The following EPHB1 variants were observed in gnomAD, a reference collection of about 807,000 sequenced individuals.
The protein encoded by EPHB1 is ephrin type-B receptor 1.
In EPHB1, 30 loss-of-function variants were observed where a neutral mutation model predicts 94.4. The ratio of observed to expected loss-of-function variants is 0.32; its 90% confidence interval spans 0.24 to 0.43. EPHB1 has a LOEUF of 0.43. Among genes scored for constraint, EPHB1 ranks in the 20% least tolerant of loss-of-function variants. EPHB1 has a pLI of 1.00. For synonymous variants in EPHB1, 522 were observed against 489.1 expected (o/e 1.07, Z -0.89); for missense variants, 1,055 against 1,308.3 (o/e 0.81, Z 2.99).
intron 15 of EPHB1, among the ~76,000 whole-genome samples, chr3:135,256,149 T>G (rs1483593792): frequency 6.6e-6 from 1 of 152,200 alleles, no homozygotes; most frequent in Non-Finnish European, 1.5e-5. Flanking sequence ...TACAGCACAC[T>G]GATGGGTCTT....
chr3:135,039,130 T>G (rs1292612228), intron 3 of EPHB1, among the ~76,000 whole-genome samples: 1 of 152,110 alleles, frequency 6.6e-6, no homozygotes, highest in Non-Finnish European at 1.5e-5. Flanking sequence ...TGCTGATTGG[T>G]GTGTTTACAA....
chr3:135,034,000 G>A (rs553406135), intron 3 of EPHB1, among the ~76,000 whole-genome samples: 4 of 151,964 alleles, frequency 2.6e-5, no homozygotes, highest in African/African-American at 7.2e-5. Flanking sequence ...TCAAACCTCC[G>A]TCAATATTTA....
At chr3:135,077,960 G>T (rs902015686) in intron 3 of EPHB1, among the ~76,000 whole-genome samples, 3 of 152,214 alleles carry the variant, frequency 2.0e-5, no homozygotes, top group Admixed American at 6.5e-5. Context: ...TCTATAGAAA[G>T]CATGTGATAG....
At chr3:134,973,269 C>T (rs1934049525) in intron 3 of EPHB1, among the ~76,000 whole-genome samples, 1 of 152,038 alleles carries the variant, frequency 6.6e-6, no homozygotes, top group African/African-American at 2.4e-5. Context: ...GGGATGGGGA[C>T]AGTGAGAACC....
chr3:135,147,285 C>G (rs1941040595), intron 5 of EPHB1, among the ~76,000 whole-genome samples: 1 of 152,138 alleles, frequency 6.6e-6, no homozygotes, highest in East Asian at 1.9e-4. Flanking sequence ...AAACGCTGTT[C>G]TAGAGAGAAT....
chr3:134,980,383 G>C lies in EPHB1; in HGVS notation c.805+28331G>C, dbSNP rs569236621. ...TGACTCAGTCTCAGAAATCACATAT[G>C]ATCACTTCTGCCATACCCGATTGGT... is the stretch of plus-strand genomic sequence containing the variant. On this transcript the variant is annotated intron_variant, in intron 3 of 15. Transcript: ENST00000398015. Among the ~76,000 whole-genome samples the C allele has an allele frequency of 3.9e-5, 6 of 152,278 alleles. No homozygotes were observed. The South Asian group carries it at 1.2e-3, about 32-fold the overall frequency.
Position 134,897,346 on chromosome 3 carries a change from G to A in EPHB1, c.59-28470G>A, listed in dbSNP as rs114742095. ...ATTCTTGGGTCAGGGGTGAGGGAGG[G>A]TGGGGAAAGGAGCAACTGCTGGTGG... On this transcript the variant is annotated intron_variant, in intron 1 of 15. Transcript: ENST00000398015. Among the ~76,000 whole-genome samples, 1,074 of 152,158 alleles carry A rather than the reference G, an allele frequency of 7.1e-3. 8 individuals are homozygous for A. The highest frequency in any genetic ancestry group is 0.029 in the South Asian group (139 of 4,814).
At chr3:134,968,605 G>T (rs1297470138) in intron 3 of EPHB1, among the ~76,000 whole-genome samples, 2 of 152,060 alleles carry the variant, frequency 1.3e-5, no homozygotes, top group Non-Finnish European at 2.9e-5. Context: ...CAGAAAATTT[G>T]ACTTCTTAAC....
At chr3:135,045,934 A>C (rs1936984985) in intron 3 of EPHB1, among the ~76,000 whole-genome samples, 1 of 152,212 alleles carries the variant, frequency 6.6e-6, no homozygotes, top group African/African-American at 2.4e-5. Flanking sequence ...CAATTATCTG[A>C]AAGAGCTATT....
chr3:134,966,103 G>T (rs558078712), intron 3 of EPHB1, among the ~76,000 whole-genome samples: 1 of 152,214 alleles, frequency 6.6e-6, no homozygotes, highest in Non-Finnish European at 1.5e-5. Context: ...GAGGCCATCT[G>T]CTCGCTCCTT....
At chr3:134,881,260 G>T (rs2037724556) in intron 1 of EPHB1, among the ~76,000 whole-genome samples, 1 of 152,152 alleles carries the variant, frequency 6.6e-6, no homozygotes, top group African/African-American at 2.4e-5. Flanking sequence ...GTAGGTGTGT[G>T]TTTCATGTGT....
At chr3:134,989,034 G>A (rs2107737043) in intron 3 of EPHB1, among the ~76,000 whole-genome samples, 1 of 152,280 alleles carries the variant, frequency 6.6e-6, no homozygotes, top group East Asian at 1.9e-4. Flanking sequence ...TGTCTATCAT[G>A]CTCTATTTTT....
At chr3:135,176,628 C>T (rs1197953277) in intron 9 of EPHB1, among the ~76,000 whole-genome samples, 4 of 152,126 alleles carry the variant, frequency 2.6e-5, no homozygotes, top group South Asian at 2.1e-4. Context: ...GACTTTGTTC[C>T]GTTTATGTGC....
rs1272876060 is a variant in EPHB1, at chr3:135,167,007, G to A, written c.1759+1G>A. ...CTCCAGCATTACAGCACAGGCCGAG[G>A]TAAGTAGAAAGCAGAGACCCGGTGT... On this transcript the variant is annotated splice_donor_variant, in intron 9 of 15. Transcript: ENST00000398015. LOFTEE classifies it high-confidence loss of function. 6.2e-7 allele frequency: 1 copy of A among 1,614,082 alleles called. No homozygotes were observed.
chr3:134,835,422 A>G (rs1463924900), intron 1 of EPHB1, among the ~76,000 whole-genome samples: 1 of 152,218 alleles, frequency 6.6e-6, no homozygotes, highest in Non-Finnish European at 1.5e-5. Flanking sequence ...ACACAGGCAT[A>G]TGCACATGTG....
At chr3:135,095,565 C>G (rs1938726616) in intron 3 of EPHB1, among the ~76,000 whole-genome samples, 1 of 152,144 alleles carries the variant, frequency 6.6e-6, no homozygotes, top group Non-Finnish European at 1.5e-5. Context: ...AATTTCAAGC[C>G]TATCAAGTGG....
chr3:135,046,516 A>G (rs1488232062), intron 3 of EPHB1, among the ~76,000 whole-genome samples: 1 of 152,234 alleles, frequency 6.6e-6, no homozygotes, highest in Non-Finnish European at 1.5e-5. Flanking sequence ...TCAGGTTTCA[A>G]CAGAGACTCT....
At chr3:134,861,415 G>C (rs2037256136) in intron 1 of EPHB1, among the ~76,000 whole-genome samples, 1 of 152,160 alleles carries the variant, frequency 6.6e-6, no homozygotes, top group South Asian at 2.1e-4. Context: ...TGGGGGATGA[G>C]GAGGGAATGT....
chr3:134,996,260 C>CA (rs1484632584), intron 3 of EPHB1, among the ~76,000 whole-genome samples: 2 of 152,160 alleles, frequency 1.3e-5, no homozygotes, highest in East Asian at 3.8e-4. Flanking sequence ...GTGGTGCAAT[C>CA]ATGGCTCACT....
Sources: gnomAD v4.1 joint callset for allele counts (sites outside exome capture counted in the v4.1 genomes callset) on GRCh38, gnomAD v4.1.1 for gene constraint, MANE v1.5 for transcripts, NCBI Gene and HGNC (gene_info 2026-07-23, HGNC 2026-07-21) for gene names.